The following PAWR variants were observed in gnomAD, a reference collection of about 807,000 sequenced individuals.
PAWR encodes pro-apoptotic WT1 regulator, also known as PRKC apoptosis WT1 regulator protein.
In PAWR, 23 loss-of-function variants were observed where a neutral mutation model predicts 32.0. The observed-to-expected ratio is 0.72, with a 90% confidence interval of 0.52 to 1.02. The LOEUF is 1.02. Among genes scored for constraint, PAWR ranks in the 50% least tolerant of loss-of-function variants. The pLI, the probability that PAWR is intolerant of heterozygous loss-of-function variation, is 0.00. For synonymous variants in PAWR, 226 were observed against 187.1 expected (o/e 1.21, Z -1.70); for missense variants, 457 against 437.7 (o/e 1.04, Z -0.39).
chr12:79,629,987 A>G (rs2136740346), intron 2 of PAWR, among the ~76,000 whole-genome samples: 1 of 152,232 alleles, frequency 6.6e-6, no homozygotes, highest in African/African-American at 2.4e-5. Flanking sequence ...AAGAAAATTT[A>G]TAACAATGAA....
chr12:79,667,800 AAAGT>A (rs1221569466), intron 2 of PAWR, among the ~76,000 whole-genome samples: 12 of 152,250 alleles, frequency 7.9e-5, no homozygotes, highest in African/African-American at 2.4e-4. Context: ...GGAAATCAAT[AAAGT>A]AAGATGAGCC....
At chr12:79,641,623 CG>C (rs1455265007) in intron 2 of PAWR, among the ~76,000 whole-genome samples, 1 of 151,826 alleles carries the variant, frequency 6.6e-6, no homozygotes, top group Non-Finnish European at 1.5e-5. Context: ...CCGAGGTGGG[CG>C]GATCACGAGA....
chr12:79,625,849 G>A (rs578243167), intron 2 of PAWR, among the ~76,000 whole-genome samples: 267 of 149,468 alleles, frequency 1.8e-3, no homozygotes, highest in African/African-American at 5.8e-3. Flanking sequence ...AGTAACAGAC[G>A]GGTGGAAGCA....
At chr12:79,664,936 A>G (rs1877532912) in intron 2 of PAWR, among the ~76,000 whole-genome samples, 1 of 152,212 alleles carries the variant, frequency 6.6e-6, no homozygotes, top group Non-Finnish European at 1.5e-5. Flanking sequence ...ATTTACAACT[A>G]CACAACATCT....
chr12:79,646,472 C>A (rs1242096113), intron 2 of PAWR, among the ~76,000 whole-genome samples: 1 of 152,196 alleles, frequency 6.6e-6, no homozygotes, highest in African/African-American at 2.4e-5. Context: ...CATTTCCAGT[C>A]CCCTTCCCCA....
At chr12:79,604,634 G>A (rs1874096627) in intron 4 of PAWR, 1 of 1,286,940 alleles carries the variant, frequency 7.8e-7, no homozygotes, top group Non-Finnish European at 1.0e-6. Flanking sequence ...CATCCTTTTA[G>A]TATCTTTCAC....
At chr12:79,601,692 T>C (rs1381768703) in intron 4 of PAWR, among the ~76,000 whole-genome samples, 1 of 152,220 alleles carries the variant, frequency 6.6e-6, no homozygotes, top group Non-Finnish European at 1.5e-5. Flanking sequence ...GTTTTATTTA[T>C]GGTACAAAAG....
intron 2 of PAWR, among the ~76,000 whole-genome samples, chr12:79,621,945 C>T (rs1307719786): frequency 6.6e-6 from 1 of 152,078 alleles, no homozygotes; most frequent in East Asian, 1.9e-4. Flanking sequence ...CAACTGAATA[C>T]ATTCCTAACC....
chr12:79,662,385 T>G (rs2136826161), intron 2 of PAWR, among the ~76,000 whole-genome samples: 1 of 152,248 alleles, frequency 6.6e-6, no homozygotes. Context: ...AACAAAATAA[T>G]CAAGGATCAA....
intron 2 of PAWR, among the ~76,000 whole-genome samples, chr12:79,663,461 C>T (rs758814773): frequency 4.6e-5 from 7 of 152,144 alleles, no homozygotes; most frequent in Non-Finnish European, 1.0e-4. Flanking sequence ...AAGTTCCCTT[C>T]GTGATTCTTA....
In PAWR at chr12:79,689,686, GCCCGCCCCGGCCCGGTCCGGCTGCGGCC is replaced by G. The variant is rs1281393249; in HGVS notation, c.516+15_516+42del. ...AGGAGGAAGACACCGGGAGGCAGCT[GCCCGCCCCGGCCCGGTCCGGCTGCGGCC>G]CCCGCCCGGCTCACCTCTGCGGCAG... On this transcript the variant is annotated intron_variant, in intron 2 of 6. Transcript: ENST00000328827. The G allele has an allele frequency of 6.6e-7, 1 of 1,522,630 alleles. No homozygotes were observed. Among genetic ancestry groups the G allele is most frequent in the East Asian group, 2.5e-5 (1 of 39,854 alleles). 94.3% of individuals were successfully genotyped at this position (1,522,630 alleles called of 1,614,324 possible).
chr12:79,604,961 T>C (rs939392035), intron 4 of PAWR, among the ~76,000 whole-genome samples: 1 of 152,184 alleles, frequency 6.6e-6, no homozygotes, highest in Non-Finnish European at 1.5e-5. Flanking sequence ...AAAAATCTTA[T>C]GAAAAATATA....
chr12:79,626,163 TAAAAAAAAA>T (rs565157190), intron 2 of PAWR, among the ~76,000 whole-genome samples: 10 of 82,108 alleles, frequency 1.2e-4, no homozygotes, highest in African/African-American at 3.2e-4. Flanking sequence ...GACTCCATCT[TAAAAAAAAA>T]AAAAAAAAAA....
chr12:79,615,744 G>A (rs976132900), intron 3 of PAWR, among the ~76,000 whole-genome samples: 19 of 152,094 alleles, frequency 1.2e-4, no homozygotes, highest in Non-Finnish European at 2.4e-4. Flanking sequence ...TATTAAATAT[G>A]AGTGATAATG....
intron 2 of PAWR, among the ~76,000 whole-genome samples, chr12:79,647,138 G>A (rs1421374407): frequency 6.8e-6 from 1 of 146,088 alleles, no homozygotes; most frequent in Non-Finnish European, 1.5e-5. Context: ...TCATGCCACT[G>A]CATTCCAGTC....
rs755937992 is a variant in PAWR, at chr12:79,632,361, ATT to A, written c.517-11156_517-11155del. Among the ~76,000 whole-genome samples, 184 of 20,572 alleles carry A rather than the reference ATT, an allele frequency of 8.9e-3. 1 individual carries two copies. Among genetic ancestry groups the A allele is most frequent in the East Asian group, 0.012 (7 of 586 alleles). The allele number at this position is 20,572 out of a possible 152,430, so 13.5% of individuals were successfully genotyped here. ...TATATATATATATATATATATATATATTTTTTTTTTTTTTTAGACAGGGTCTT... is the reference window on the plus strand; with the variant it reads ...TATATATATATATATATATATATATATTTTTTTTTTTTTAGACAGGGTCTT... On this transcript the variant is annotated intron_variant, in intron 2 of 6. Transcript: ENST00000328827.
intron 2 of PAWR, among the ~76,000 whole-genome samples, chr12:79,641,525 T>C (rs1211723364): frequency 6.6e-6 from 1 of 152,140 alleles, no homozygotes; most frequent in Non-Finnish European, 1.5e-5. Context: ...ATACAGCAGA[T>C]ATTTTATAGA....
chr12:79,601,902 A>T (rs1485158905), intron 4 of PAWR, among the ~76,000 whole-genome samples: 4 of 152,174 alleles, frequency 2.6e-5, no homozygotes, highest in East Asian at 3.8e-4. Flanking sequence ...AAAACCTCAA[A>T]ATCAGCGTAA....
chr12:79,646,962 G>T lies in PAWR; in HGVS notation c.517-25755C>A, dbSNP rs1439947681. 2.0e-5 allele frequency among the ~76,000 whole-genome samples: 3 copies of T among 152,040 alleles called. No individual in the cohort carries two copies. The East Asian group carries it at 5.8e-4, about 29-fold the overall frequency. On this transcript the variant is annotated intron_variant, in intron 2 of 6. Transcript: ENST00000328827. ...GGAGGCTGAGGCGGGAGGATCACAA[G>T]GTCAAGAGATAGAGACCATCCTGGC...
Sources: allele counts gnomAD v4.1 joint callset (sites outside exome capture counted in the v4.1 genomes callset), GRCh38; gene constraint gnomAD v4.1.1; transcripts MANE v1.5; gene names NCBI Gene and HGNC (gene_info 2026-07-23, HGNC 2026-07-21).